The following SRPK2 variants were observed in gnomAD, a reference collection of about 807,000 sequenced individuals.
SRPK2 encodes the protein SRSF protein kinase 2, also known as SFRS protein kinase 2.
In SRPK2, 21 loss-of-function variants were observed where a neutral mutation model predicts 90.8. The ratio of observed to expected loss-of-function variants is 0.23; its 90% CI spans 0.16 to 0.33. SRPK2 has a LOEUF of 0.33. Among genes scored for constraint, SRPK2 ranks in the 10% least tolerant of loss-of-function variants. The probability of loss-of-function intolerance (pLI) is 1.00; values close to 1 mark genes in which losing one functional copy is unlikely to be tolerated. For synonymous variants in SRPK2, 288 were observed against 311.1 expected (o/e 0.93, Z 0.78); for missense variants, 620 against 869.0 (o/e 0.71, Z 3.60).
At chr7:105,365,486 T>TC (rs1818926938) in intron 2 of SRPK2, among the ~76,000 whole-genome samples, 2 of 50,128 alleles carry the variant, frequency 4.0e-5, no homozygotes, top group Non-Finnish European at 6.7e-5. Context: ...AAATTCTGTC[T>TC]CAAAAAAAAA....
At chr7:105,132,690 A>C (rs1802190470) in intron 13 of SRPK2, 101 bp downstream of exon 13, 5 of 932,076 alleles carry the variant, frequency 5.4e-6, no homozygotes, top group Non-Finnish European at 8.1e-6. Context: ...CCTTACAGTC[A>C]GAAAAACTGA....
At chr7:105,343,783 A>C in intron 2 of SRPK2, among the ~76,000 whole-genome samples, 1 of 151,284 alleles carries the variant, frequency 6.6e-6, no homozygotes, top group East Asian at 1.9e-4. Context: ...TTTTTTGGAG[A>C]TGGAGTTTTG....
intron 2 of SRPK2, among the ~76,000 whole-genome samples, chr7:105,238,952 T>C (rs1333495747): frequency 2.6e-5 from 4 of 152,178 alleles, no homozygotes; most frequent in African/African-American, 7.2e-5. Flanking sequence ...AGCAAACTTG[T>C]GGTCTACGGA....
At chr7:105,230,631 G>T (rs570347092) in intron 2 of SRPK2, among the ~76,000 whole-genome samples, 77 of 152,324 alleles carry the variant, frequency 5.1e-4, no homozygotes, top group African/African-American at 1.7e-3. Flanking sequence ...ATTTGTCCCG[G>T]TTTTTAAAGA....
intron 11 of SRPK2, among the ~76,000 whole-genome samples, chr7:105,141,737 G>T (rs1803809045): frequency 6.6e-6 from 1 of 152,234 alleles, no homozygotes; most frequent in Non-Finnish European, 1.5e-5. Flanking sequence ...GCTAAAACTG[G>T]AAGGTTTTTG....
At chr7:105,268,597 G>C (rs757203616) in intron 2 of SRPK2, among the ~76,000 whole-genome samples, 10 of 152,156 alleles carry the variant, frequency 6.6e-5, no homozygotes, top group Non-Finnish European at 1.3e-4. Context: ...TGCTGCAGCT[G>C]ATCAGGCTCC....
intron 3 of SRPK2, among the ~76,000 whole-genome samples, chr7:105,181,558 G>A (rs774620822): frequency 1.3e-5 from 2 of 152,092 alleles, no homozygotes; most frequent in East Asian, 1.9e-4. Flanking sequence ...GATCATGTCC[G>A]CTGCAGGAAC....
At chr7:105,217,857 TTA>T (rs1292601412) in intron 2 of SRPK2, among the ~76,000 whole-genome samples, 2 of 152,184 alleles carry the variant, frequency 1.3e-5, no homozygotes, top group African/African-American at 2.4e-5. Flanking sequence ...ACTTCTTTAA[TTA>T]ACTCAAGGCA....
chr7:105,162,290 C>G (rs1807792960), intron 6 of SRPK2, among the ~76,000 whole-genome samples: 2 of 152,222 alleles, frequency 1.3e-5, no homozygotes, highest in South Asian at 4.1e-4. Context: ...GATCCACACA[C>G]CTTGGTCTCC....
At chr7:105,181,880 G>GGA (rs1792867776) in intron 3 of SRPK2, among the ~76,000 whole-genome samples, 1 of 67,526 alleles carries the variant, frequency 1.5e-5, no homozygotes, top group African/African-American at 4.1e-5. Context: ...TAAGATAAAA[G>GGA]TAAAAAAAAA....
At chr7:105,279,298 A>AATTTCCAAGG (rs11282671) in intron 2 of SRPK2, among the ~76,000 whole-genome samples, 1 of 151,704 alleles carries the variant, frequency 6.6e-6, no homozygotes, top group Non-Finnish European at 1.5e-5. Context: ...TCTGATTTAG[A>AATTTCCAAGG]TAGCTGCTGC....
intron 2 of SRPK2, among the ~76,000 whole-genome samples, chr7:105,272,834 C>G (rs182940653): frequency 6.6e-5 from 10 of 152,262 alleles, no homozygotes; most frequent in African/African-American, 9.6e-5. Context: ...CTTATATACT[C>G]CTGATCTCAG....
At chr7:105,368,260 T>C (rs1018610798) in intron 2 of SRPK2, among the ~76,000 whole-genome samples, 9 of 152,194 alleles carry the variant, frequency 5.9e-5, no homozygotes, top group African/African-American at 2.2e-4. Flanking sequence ...TTTTCCTGTA[T>C]TCTAAGATTT....
intron 11 of SRPK2, among the ~76,000 whole-genome samples, chr7:105,136,290 G>C (rs935231821): frequency 6.6e-6 from 1 of 152,156 alleles, no homozygotes; most frequent in Non-Finnish European, 1.5e-5. Context: ...CAGTATGATA[G>C]TTCCTGAACT....
chr7:105,159,473 AC>A (rs1807209517), intron 7 of SRPK2, among the ~76,000 whole-genome samples: 2 of 139,418 alleles, frequency 1.4e-5, no homozygotes, highest in African/African-American at 2.6e-5. Flanking sequence ...AAAAAAAAAA[AC>A]CGTACAAAAG....
chr7:105,387,698 G>A (rs1056379533), intron 2 of SRPK2, among the ~76,000 whole-genome samples: 22 of 152,142 alleles, frequency 1.4e-4, no homozygotes, highest in African/African-American at 5.3e-4. Flanking sequence ...TACCAAAGAT[G>A]CCACACAGAG....
chr7:105,308,045 T>C (rs1329745315), intron 2 of SRPK2, among the ~76,000 whole-genome samples: 3 of 152,220 alleles, frequency 2.0e-5, no homozygotes, highest in Non-Finnish European at 4.4e-5. Flanking sequence ...TTAGTAATAT[T>C]AACTGATAGC....
intron 2 of SRPK2, among the ~76,000 whole-genome samples, chr7:105,231,215 A>G (rs974028594): frequency 6.6e-6 from 1 of 152,150 alleles, no homozygotes; most frequent in African/African-American, 2.4e-5. Context: ...TTCTTTTCCT[A>G]AGGGTAATAG....
At chr7:105,245,052 C>CACACACACAT in intron 2 of SRPK2, 3 of 649,682 alleles carry the variant, frequency 4.6e-6, no homozygotes, top group Non-Finnish European at 8.3e-6. Context: ...CACACACACA[C>CACACACACAT]ACACACACAC....
Sources: gnomAD v4.1 joint callset for allele counts (sites outside exome capture counted in the v4.1 genomes callset) on GRCh38, gnomAD v4.1.1 for gene constraint, MANE v1.5 for transcripts, NCBI Gene and HGNC (gene_info 2026-07-23, HGNC 2026-07-21) for gene names.